SPATA12: variants seen among roughly 807,000 people sequenced by gnomAD.
SPATA12 encodes the protein spermatogenesis-associated protein 12.
For missense variants in SPATA12, 219 were observed against 226.4 expected (o/e 0.97, Z 0.21); for synonymous variants, 85 against 89.2 (o/e 0.95, Z 0.26).
chr3:57,063,737 A>G (rs1476509181), intron 1 of SPATA12, among the ~76,000 whole-genome samples: 2 of 152,158 alleles, frequency 1.3e-5, no homozygotes, highest in African/African-American at 4.8e-5. Context: ...ATGGCAACAG[A>G]GAACAGGCCA....
rs1706108792 is a variant in SPATA12 at position 57,074,354 on chromosome 3, C to T, written c.*87C>T. On this transcript the variant is annotated 3_prime_UTR_variant, in exon 2 of 2. Coordinates refer to ENST00000334325, the MANE Select transcript of SPATA12 (RefSeq NM_181727.2). ...CTATGCCCTCCCTTCCATCCCCCAC[C>T]CCCACCAGGGGTGACTCGTAGCCAT... The T allele has an allele frequency of 8.1e-7, 1 of 1,231,612 alleles. No individual in the cohort carries two copies. Among genetic ancestry groups the T allele is most frequent in the Non-Finnish European group, 1.2e-6 (1 of 861,274 alleles). The allele number at this position is 1,231,612 out of a possible 1,614,324, so 76.3% of individuals were successfully genotyped here.
chr3:57,065,645 T>C (rs1232228672), intron 1 of SPATA12, among the ~76,000 whole-genome samples: 1 of 152,142 alleles, frequency 6.6e-6, no homozygotes, highest in Non-Finnish European at 1.5e-5. Flanking sequence ...CTATAATAAA[T>C]GTTTAATGTC....
At position 57,065,330 on chromosome 3, in the gene SPATA12, G is replaced by A. The variant is rs143613485; in HGVS notation, c.-330+4544G>A. 1.2e-3 allele frequency among the ~76,000 whole-genome samples: 184 copies of A among 152,232 alleles called. 1 individual carries two copies. Among genetic ancestry groups the A allele is most frequent in the East Asian group, 7.9e-3 (41 of 5,174 alleles). On this transcript the variant is annotated intron_variant, in intron 1 of 1. Coordinates refer to ENST00000334325, the MANE Select transcript of SPATA12 (RefSeq NM_181727.2). Reference sequence around the variant, plus strand: ...TACAAAATTAGCCGGGTGTGATGGTGTGCACCTGTAGTCCCAGCTACTAAG... The same window carrying A: ...TACAAAATTAGCCGGGTGTGATGGTATGCACCTGTAGTCCCAGCTACTAAG...
intron 1 of SPATA12, among the ~76,000 whole-genome samples, chr3:57,071,659 CA>C (rs34281617): frequency 0.29 from 35,883 of 124,748 alleles, 4,814 homozygotes; most frequent in East Asian, 0.51. Context: ...AACTCCATCT[CA>C]AAAAAAAAAA....
chr3:57,070,316 G>C (rs1459561480), intron 1 of SPATA12, among the ~76,000 whole-genome samples: 3 of 146,440 alleles, frequency 2.0e-5, no homozygotes, highest in Non-Finnish European at 4.4e-5. Flanking sequence ...ACAAATTCAG[G>C]AGTTAAATGT....
At position 57,073,657 on chromosome 3, in the gene SPATA12, C is replaced by T; in HGVS notation, c.-38C>T. On this transcript the variant is annotated 5_prime_UTR_variant, in exon 2 of 2. Transcript: ENST00000334325. ...ATTGGCTCCGGCCAAGTGCCCCAGC[C>T]TCCTTTTCTGGAGAATTCTGTTTTT... 6.3e-7 allele frequency: 1 copy of T among 1,581,970 alleles called. No individual in the cohort carries two copies. Among genetic ancestry groups the T allele is most frequent in the Non-Finnish European group, 8.6e-7 (1 of 1,164,794 alleles).
Position 57,073,845 on chromosome 3 carries a change from C to T in SPATA12, c.151C>T (p.Leu51=). Residue 51 remains leucine (L), a synonymous_variant, in exon 2 of 2, where the codon CTG becomes TTG. Transcript: ENST00000334325. ...ACATCCCAACAAACCCCACTGTGCA[C>T]TGGCATCATGCCAGGGTCCAGGTGT... ...TQHPNKPHCA[L]ASCQGPGVLP... The T allele has an allele frequency of 3.1e-6, 5 of 1,614,252 alleles. No individual in the cohort carries two copies. The highest frequency in any genetic ancestry group is 3.4e-6 in the Non-Finnish European group (4 of 1,180,054).
Position 57,072,882 on chromosome 3 carries a change from T to C in SPATA12, c.-329-484T>C, listed in dbSNP as rs1706000297. Among the ~76,000 whole-genome samples the C allele has an allele frequency of 2.6e-5, 4 of 151,614 alleles. No homozygotes were observed. The South Asian group carries it at 8.4e-4, about 32-fold the overall frequency. On this transcript the variant is annotated intron_variant, in intron 1 of 1. Coordinates refer to ENST00000334325, the MANE Select transcript of SPATA12 (RefSeq NM_181727.2). ...CAAGATGGTGAAACCCCATCTCTACTAAAAAATACAAAAATTAGCAAGGCG... is the reference window on the plus strand; with the variant it reads ...CAAGATGGTGAAACCCCATCTCTACCAAAAAATACAAAAATTAGCAAGGCG...
At chr3:57,061,149 C>G (rs1307960371) in intron 1 of SPATA12, among the ~76,000 whole-genome samples, 1 of 152,140 alleles carries the variant, frequency 6.6e-6, no homozygotes, top group Non-Finnish European at 1.5e-5. Flanking sequence ...CTGCCCCTCT[C>G]CCAGCCCCTA....
chr3:57,066,338 C>T (rs982423928), intron 1 of SPATA12, among the ~76,000 whole-genome samples: 4 of 151,934 alleles, frequency 2.6e-5, no homozygotes, highest in Admixed American at 6.6e-5. Context: ...CTTGGCTCAC[C>T]GCAACCTCCG....
At position 57,074,043 on chromosome 3, in the gene SPATA12, A is replaced by C. The variant is rs1338910888; in HGVS notation, c.349A>C (p.Ser117Arg). The change falls in exon 2 of 2, where the codon AGT (serine) becomes CGT (arginine). Residue 117 changes from serine to arginine, a missense_variant. By Grantham distance (110) the Ser-to-Arg change is moderately radical. Coordinates refer to ENST00000334325, the MANE Select transcript of SPATA12 (RefSeq NM_181727.2). ...SPPALLIQQG[S>R]CEQVIHNSTP... ...TCCAGCTCTCCTGATACAGCAAGGC[A>C]GTTGTGAGCAAGTTATTCATAACTC... 6.2e-7 allele frequency: 1 copy of C among 1,614,232 alleles called. No individual in the cohort carries two copies. The highest frequency in any genetic ancestry group is 8.5e-7 in the Non-Finnish European group (1 of 1,180,036).
rs577303079 is a variant in SPATA12, at chr3:57,074,541, G to A, written c.*274G>A. ...TCTTAGCCCCCGGGGAACCTTCACT[G>A]TATTAAATGACATCAATTGATCAAT... On this transcript the variant is annotated 3_prime_UTR_variant, in exon 2 of 2. Coordinates refer to ENST00000334325, the MANE Select transcript of SPATA12 (RefSeq NM_181727.2). 10 of 432,760 alleles carry A rather than the reference G, an allele frequency of 2.3e-5. No homozygotes were observed. In the South Asian group the frequency reaches 3.5e-4, roughly 15 times the overall value. The allele number at this position is 432,760 out of a possible 1,614,324, so 26.8% of individuals were successfully genotyped here. A position where few individuals can be genotyped will look rare whatever the true frequency, so the allele number is the denominator to read the frequency against.
chr3:57,066,908 G>T (rs913156302), intron 1 of SPATA12, among the ~76,000 whole-genome samples: 1 of 152,002 alleles, frequency 6.6e-6, no homozygotes, highest in African/African-American at 2.4e-5. Flanking sequence ...GCTGATTTTT[G>T]ACTCACCTGG....
chr3:57,074,209 G>A lies in SPATA12; in HGVS notation c.515G>A (p.Cys172Tyr), dbSNP rs2107417504. 4.3e-6 allele frequency: 7 copies of A among 1,614,082 alleles called. No homozygotes were observed. The highest frequency in any genetic ancestry group is 5.1e-6 in the Non-Finnish European group (6 of 1,180,026). Residue 172 changes from cysteine (C) to tyrosine (Y), a missense_variant, in exon 2 of 2, where the codon TGC becomes TAC. Coordinates refer to ENST00000334325, the MANE Select transcript of SPATA12 (RefSeq NM_181727.2). ...AACCAACTGACATTTACTGAGGGCT[G>A]CTTTGTCAGGTCCCTCTCTACAGTA... ...RSNQLTFTEG[C>Y]FVRSLSTVYS... is the part of the protein sequence containing the mutation.
At chr3:57,070,180 C>T (rs1705807243) in intron 1 of SPATA12, among the ~76,000 whole-genome samples, 1 of 152,150 alleles carries the variant, frequency 6.6e-6, no homozygotes, top group Non-Finnish European at 1.5e-5. Context: ...CCAGTTCCCA[C>T]CACACTTCTC....
At chr3:57,073,045 CAAAAT>C (rs1482639449) in intron 1 of SPATA12, among the ~76,000 whole-genome samples, 3 of 151,868 alleles carry the variant, frequency 2.0e-5, no homozygotes, top group Non-Finnish European at 4.4e-5. Flanking sequence ...GACTCTGTCT[CAAAAT>C]AAATAAATAA....
chr3:57,066,503 T>G (rs1705546489), intron 1 of SPATA12, among the ~76,000 whole-genome samples: 1 of 152,216 alleles, frequency 6.6e-6, no homozygotes, highest in South Asian at 2.1e-4. Context: ...CCTCAAGTGA[T>G]CCATCCGCCT....
chr3:57,071,992 C>T (rs887845510), intron 1 of SPATA12, among the ~76,000 whole-genome samples: 5 of 152,088 alleles, frequency 3.3e-5, no homozygotes, highest in African/African-American at 1.2e-4. Context: ...AGAAGATACA[C>T]AAATGGCCAA....
intron 1 of SPATA12, among the ~76,000 whole-genome samples, chr3:57,062,811 AATGGCTTTTAATCTGTTT>A (rs1311993643): frequency 6.6e-6 from 1 of 152,170 alleles, no homozygotes; most frequent in Non-Finnish European, 1.5e-5. Context: ...AGAAGAATCA[AATGGCTTTTAATCTGTTT>A]ACCAAACTTT....
Sources: gnomAD v4.1 joint callset for allele counts (sites outside exome capture counted in the v4.1 genomes callset) on GRCh38, gnomAD v4.1.1 for gene constraint, MANE v1.5 for transcripts, NCBI Gene and HGNC (gene_info 2026-07-23, HGNC 2026-07-21) for gene names.